Variants in TCIRG1 observed in about 807,000 individuals in gnomAD.
TCIRG1 encodes the protein T cell immune regulator 1, ATPase H+ transporting V0 subunit a3, also known as V-type proton ATPase 116 kDa subunit a 3.
TCIRG1 carries 86 observed loss-of-function variants against 95.5 expected under a neutral mutation model. The ratio of observed to expected loss-of-function variants is 0.90; its 90% CI spans 0.76 to 1.08. The LOEUF is 1.08. Ranked by LOEUF, TCIRG1 falls within the 50% of genes least tolerant of loss-of-function variation. The pLI is 0.00. For synonymous variants in TCIRG1, 499 were observed against 501.3 expected (o/e 1.00, Z 0.06); for missense variants, 1,069 against 1,140.2 (o/e 0.94, Z 0.90).
chr11:68,048,082 GC>G, intron 13 of TCIRG1, 110 bp downstream of exon 13: 1 of 959,426 alleles, frequency 1.0e-6, no homozygotes, highest in Non-Finnish European at 1.7e-6. Context: ...ACTCCTGTGT[GC>G]CAGGCCCTTT....
rs1565164499 is a variant in TCIRG1 at position 68,050,235 on chromosome 11, CCT to C, written c.2218_2219del (p.Leu740GlufsTer90). Reference sequence around the variant, plus strand: ...CCGCCTCCTACCTGCGCCTGTGGGCCCTGAGCCTGGCCCACGCCCGTGAGTGA... The same window carrying C: ...CCGCCTCCTACCTGCGCCTGTGGGCCGAGCCTGGCCCACGCCCGTGAGTGA... ...NTASYLRLWA[L>X]SLAHAQLSEV... On this transcript the variant is annotated frameshift_variant, in exon 18 of 20. Transcript: ENST00000265686. LOFTEE classifies it high-confidence loss of function. The C allele has an allele frequency of 6.2e-7, 1 of 1,613,268 alleles. No individual in the cohort carries two copies. Among genetic ancestry groups the C allele is most frequent in the East Asian group, 2.2e-5 (1 of 44,868 alleles).
At chr11:68,040,007 A>T (rs564720622) in intron 1 of TCIRG1, 1 of 152,368 alleles carries the variant, frequency 6.6e-6, no homozygotes, top group Admixed American at 6.5e-5. Context: ...TGCTGGGCAC[A>T]TAACATTGGA....
chr11:68,050,235 C>T lies in TCIRG1; in HGVS notation c.2217C>T (p.Ala739=). Residue 739 remains alanine (A), a synonymous_variant, in exon 18 of 20, where the codon GCC becomes GCT. Coordinates refer to ENST00000265686, the MANE Select transcript of TCIRG1 (RefSeq NM_006019.4). The part of the protein sequence containing the change: ...SNTASYLRLW[A]LSLAHAQLSE... ...CCGCCTCCTACCTGCGCCTGTGGGC[C>T]CTGAGCCTGGCCCACGCCCGTGAGT... 2 of 1,613,268 alleles carry T rather than the reference C, an allele frequency of 1.2e-6. No homozygotes were observed. Among genetic ancestry groups the T allele is most frequent in the East Asian group, 2.2e-5 (1 of 44,868 alleles).
chr11:68,045,233 A>T (rs1590808332), intron 10 of TCIRG1, 131 bp downstream of exon 10: 1 of 1,165,742 alleles, frequency 8.6e-7, no homozygotes, highest in Admixed American at 2.0e-5. Context: ...CACACATCCC[A>T]TCACTCTCAA....
At chr11:68,053,754 T>A (rs1696719330), downstream of TCIRG1, 1 of 478,864 alleles carries the variant, frequency 2.1e-6, no homozygotes, top group Non-Finnish European at 3.7e-6. Flanking sequence ...GTTGCACTAT[T>A]GCACTATATT....
chr11:68,045,701 G>C (rs545880597), intron 10 of TCIRG1, among the ~76,000 whole-genome samples: 3 of 152,166 alleles, frequency 2.0e-5, no homozygotes, highest in African/African-American at 2.4e-5. Context: ...TTACAGGCAC[G>C]CACCACCACG....
chr11:68,048,839 G>A, intron 13 of TCIRG1, 40 bp from the exon 14 acceptor site: 2 of 1,427,432 alleles, frequency 1.4e-6, no homozygotes, highest in Non-Finnish European at 9.8e-7. Context: ...GTGATGGCGA[G>A]GGAGCCCCTG....
rs1208311085 is a variant in TCIRG1 at position 68,042,683 on chromosome 11, GC to G, written c.242del (p.Pro81ArgfsTer85). On this transcript the variant is annotated frameshift_variant, in exon 4 of 20. Transcript: ENST00000265686. LOFTEE classifies it high-confidence loss of function. ...EEVRRAGLVL[P>X]PPKGRLPAPP... ...AGGTGCGGCGGGCTGGGCTGGTCCT[GC>G]CCCCGCCAAAGGGGAGGCTGCCGGC... The G allele has an allele frequency of 6.5e-7, 1 of 1,546,454 alleles. No individual in the cohort carries two copies. Among genetic ancestry groups the G allele is most frequent in the Non-Finnish European group, 8.7e-7 (1 of 1,145,982 alleles).
intron 2 of TCIRG1, 132 bp from the exon 3 acceptor site, chr11:68,041,621 T>G (rs546761404): frequency 2.7e-5 from 22 of 805,496 alleles, no homozygotes; most frequent in Non-Finnish European, 4.1e-5. Context: ...CTGCGTCTTG[T>G]GGCTCCCAGG....
chr11:68,048,439 G>A (rs147021622), intron 13 of TCIRG1: 12,071 of 338,376 alleles, frequency 0.036, 307 homozygotes, highest in Non-Finnish European at 0.048. Context: ...GATTACAGGC[G>A]CCCGCCACCA....
Position 68,050,351 on chromosome 11 carries a change from C to T in TCIRG1, c.2236+97C>T, listed in dbSNP as rs186221140. 7.4e-3 allele frequency: 11,826 copies of T among 1,600,038 alleles called. 86 individuals are homozygous for T. Among genetic ancestry groups the T allele is most frequent in the Non-Finnish European group, 8.0e-3 (9,369 of 1,173,838 alleles). On this transcript the variant is annotated intron_variant, in intron 18 of 19. Coordinates refer to ENST00000265686, the MANE Select transcript of TCIRG1 (RefSeq NM_006019.4). ...TGCTTCTCTCTGGGCCTCAGTTTCCCCTCTGTAAAGTGGGACTGTCCAAGG... is the reference window on the plus strand; with the variant it reads ...TGCTTCTCTCTGGGCCTCAGTTTCCTCTCTGTAAAGTGGGACTGTCCAAGG...
chr11:68,044,806 G>A, intron 9 of TCIRG1, 152 bp from the exon 10 acceptor site: 1 of 974,010 alleles, frequency 1.0e-6, no homozygotes, highest in East Asian at 2.6e-5. Flanking sequence ...CCAGGGCAGA[G>A]CAGGGCTGAT....
rs765686263 is a variant in TCIRG1, at chr11:68,042,772, G to C, written c.326G>C (p.Arg109Pro). Residue 109 changes from arginine to proline, a missense_variant, in exon 4 of 20, where the codon CGG (arginine) becomes CCG (proline). Coordinates refer to ENST00000265686, the MANE Select transcript of TCIRG1 (RefSeq NM_006019.4). ...EETERLAQEL[R>P]DVRGNQQALR... ...ACGGAGCGCCTGGCCCAGGAGCTGC[G>C]GGATGTGCGGGGCAACCAGCAGGCC... The C allele has an allele frequency of 3.9e-6, 6 of 1,547,766 alleles. No individual in the cohort carries two copies. Among genetic ancestry groups the C allele is most frequent in the Non-Finnish European group, 4.4e-6 (5 of 1,146,464 alleles).
chr11:68,050,435 G>A (rs1443569480), intron 18 of TCIRG1, 52 bp from the exon 19 acceptor site: 12 of 1,611,078 alleles, frequency 7.4e-6, no homozygotes, highest in Non-Finnish European at 9.3e-6. Context: ...GTAGGTAGGG[G>A]GCTGGCAGGC....
chr11:68,050,371 C>G (rs1418235036), intron 18 of TCIRG1, 116 bp from the exon 19 acceptor site: 1 of 1,603,812 alleles, frequency 6.2e-7, no homozygotes, highest in African/African-American at 1.3e-5. Context: ...GTGGGACTGT[C>G]CAAGGAGGTC....
chr11:68,049,977 G>C lies in TCIRG1; in HGVS notation c.2029G>C (p.Gly677Arg). The change falls in exon 17 of 20, where the codon GGG becomes CGG. Residue 677 changes from glycine (G) to arginine (R), a missense_variant. Transcript: ENST00000265686. Reference sequence around the variant, plus strand: ...CATGCCCCAGGAGGAAAACAAGGCCGGGTTGCTGGACCTGCCTGACGCATC... The same window carrying C: ...CATGCCCCAGGAGGAAAACAAGGCCCGGTTGCTGGACCTGCCTGACGCATC... ...PADRQEENKA[G>R]LLDLPDASVN... 2 of 1,611,866 alleles carry C rather than the reference G, an allele frequency of 1.2e-6. No homozygotes were observed. The highest frequency in any genetic ancestry group is 1.1e-5 in the South Asian group (1 of 90,958).
chr11:68,047,760 C>G lies in TCIRG1; in HGVS notation c.1419C>G (p.Pro473=). 6.2e-7 allele frequency: 1 copy of G among 1,613,258 alleles called. No homozygotes were observed. ...ECFSRATSIF[P]SGWSVAAMAN... ...TCAGTCGCGCCACCAGCATCTTCCCCTCGGGCTGGAGTGTGGCCGCCATGG... is the reference window on the plus strand; with the variant it reads ...TCAGTCGCGCCACCAGCATCTTCCCGTCGGGCTGGAGTGTGGCCGCCATGG... The change falls in exon 12 of 20, where the codon CCC becomes CCG. Residue 473 remains proline (P), a synonymous_variant. Coordinates refer to ENST00000265686, the MANE Select transcript of TCIRG1 (RefSeq NM_006019.4).
chr11:68,051,083 G>C (rs1230894651), downstream of TCIRG1, among the ~76,000 whole-genome samples: 1 of 152,216 alleles, frequency 6.6e-6, no homozygotes, highest in Non-Finnish European at 1.5e-5. Flanking sequence ...TTCTAACTTG[G>C]AGTGAGCAAA....
In TCIRG1 at chr11:68,043,805, T is replaced by C. The variant is rs2134439898; in HGVS notation, c.714-9T>C. On this transcript the variant is annotated splice_polypyrimidine_tract_variant and intron_variant, in intron 7 of 19. Transcript: ENST00000265686. ...TTCTGGCCCCTCACGCAGCGCATCC[T>C]CCCTCCAGCTTCCACTGCCACGTCT... 1 of 1,557,910 alleles carries C rather than the reference T, an allele frequency of 6.4e-7. No individual in the cohort carries two copies. The highest frequency in any genetic ancestry group is 8.7e-7 in the Non-Finnish European group (1 of 1,151,266).
Sources: gnomAD v4.1 joint callset for allele counts (sites outside exome capture counted in the v4.1 genomes callset) on GRCh38, gnomAD v4.1.1 for gene constraint, MANE v1.5 for transcripts, NCBI Gene and HGNC (gene_info 2026-07-23, HGNC 2026-07-21) for gene names.